GRM8: variants seen among roughly 807,000 people sequenced by gnomAD.
The protein encoded by GRM8 is metabotropic glutamate receptor 8.
GRM8 carries 47 observed loss-of-function variants against 87.2 expected under a neutral mutation model. The ratio of observed to expected loss-of-function variants is 0.54; its 90% CI spans 0.43 to 0.69. The LOEUF is 0.69. GRM8 is among the 30% of genes least tolerant of loss of function. The probability of loss-of-function intolerance (pLI) is 0.00; values close to 1 mark genes in which losing one functional copy is unlikely to be tolerated. For missense variants in GRM8, 1,019 were observed against 1,139.2 expected, an observed-to-expected ratio of 0.89 and a Z score of 1.52; for synonymous variants, 396 against 404.5, an observed-to-expected ratio of 0.98 and a Z score of 0.25.
At chr7:126,780,596 G>A (rs1258537844) in intron 6 of GRM8, among the ~76,000 whole-genome samples, 1 of 152,170 alleles carries the variant, frequency 6.6e-6, no homozygotes, top group Non-Finnish European at 1.5e-5. Flanking sequence ...GGTGGGCAAG[G>A]GAAGTAGAGG....
intron 8 of GRM8, among the ~76,000 whole-genome samples, chr7:126,561,673 C>A (rs377059752): frequency 1.3e-5 from 2 of 151,418 alleles, no homozygotes; most frequent in Non-Finnish European, 2.9e-5. Flanking sequence ...ATGTGCACAA[C>A]GTGCAGGTTT....
intron 2 of GRM8, among the ~76,000 whole-genome samples, chr7:127,186,584 C>G: frequency 6.6e-6 from 1 of 152,178 alleles, no homozygotes; most frequent in East Asian, 1.9e-4. Flanking sequence ...TGCACCACCC[C>G]TCATTAGCTT....
intron 2 of GRM8, among the ~76,000 whole-genome samples, chr7:127,203,782 G>A (rs958990121): frequency 6.6e-6 from 1 of 151,574 alleles, no homozygotes; most frequent in Admixed American, 6.6e-5. Flanking sequence ...AAAAAGGGGG[G>A]TGAGGCGGTG....
chr7:126,937,233 A>G (rs1806431340), intron 3 of GRM8, among the ~76,000 whole-genome samples: 1 of 151,900 alleles, frequency 6.6e-6, no homozygotes, highest in South Asian at 2.1e-4. Context: ...GATGACCTCA[A>G]GGAAGAAGCC....
chr7:126,469,557 T>C (rs1230578155), intron 9 of GRM8, among the ~76,000 whole-genome samples: 1 of 152,106 alleles, frequency 6.6e-6, no homozygotes, highest in Non-Finnish European at 1.5e-5. Flanking sequence ...CAGGCCATTC[T>C]TGTGATAGTG....
chr7:126,994,493 G>A (rs751747090), intron 3 of GRM8, among the ~76,000 whole-genome samples: 3 of 152,156 alleles, frequency 2.0e-5, no homozygotes, highest in Non-Finnish European at 4.4e-5. Flanking sequence ...CCTGCCCTAG[G>A]CCAAAGGGGA....
intron 4 of GRM8, 78 bp from the exon 5 acceptor site, chr7:126,904,204 A>C: frequency 8.1e-7 from 1 of 1,233,764 alleles, no homozygotes; most frequent in Non-Finnish European, 1.2e-6. Flanking sequence ...GACCAGATTT[A>C]GGAAGTTGTA....
chr7:126,902,420 A>G, intron 6 of GRM8, 122 bp downstream of exon 6: 1 of 831,582 alleles, frequency 1.2e-6, no homozygotes, highest in Non-Finnish European at 1.8e-6. Context: ...ACACTATAAC[A>G]AAAAGACACA....
chr7:127,021,164 A>G (rs1036320999), intron 3 of GRM8, among the ~76,000 whole-genome samples: 2 of 151,992 alleles, frequency 1.3e-5, no homozygotes, highest in African/African-American at 4.8e-5. Context: ...CTTAAAGAAG[A>G]AAGAGGAAGA....
intron 3 of GRM8, among the ~76,000 whole-genome samples, chr7:126,911,086 C>A (rs947511471): frequency 4.6e-5 from 7 of 152,128 alleles, no homozygotes; most frequent in African/African-American, 1.7e-4. Flanking sequence ...AGAATCATCA[C>A]CAACACTGAG....
chr7:126,479,960 T>C (rs1806473342), intron 9 of GRM8, among the ~76,000 whole-genome samples: 1 of 152,026 alleles, frequency 6.6e-6, no homozygotes, highest in Non-Finnish European at 1.5e-5. Context: ...GGGAAAAAAA[T>C]CAACCAGAAT....
chr7:126,461,531 T>A (rs978165179), intron 9 of GRM8, among the ~76,000 whole-genome samples: 2 of 151,650 alleles, frequency 1.3e-5, no homozygotes, highest in Non-Finnish European at 3.0e-5. Flanking sequence ...GGTTGGACCA[T>A]CCTTTATTCA....
At chr7:126,555,413 C>A (rs1489829318) in intron 8 of GRM8, among the ~76,000 whole-genome samples, 1 of 152,204 alleles carries the variant, frequency 6.6e-6, no homozygotes, top group African/African-American at 2.4e-5. Context: ...GCGTCACTAC[C>A]AGACAATGCT....
chr7:127,163,183 G>A (rs1793225753), intron 2 of GRM8, among the ~76,000 whole-genome samples: 1 of 152,196 alleles, frequency 6.6e-6, no homozygotes, highest in Non-Finnish European at 1.5e-5. Flanking sequence ...TCTGCAGGCT[G>A]TACAGGGAGC....
chr7:126,806,720 C>G (rs1792785724), intron 6 of GRM8, among the ~76,000 whole-genome samples: 1 of 152,250 alleles, frequency 6.6e-6, no homozygotes, highest in Non-Finnish European at 1.5e-5. Context: ...CTTTGCGGCA[C>G]CTAGCCAGCC....
chr7:126,548,811 C>A lies in GRM8; in HGVS notation c.1495-14924G>T, dbSNP rs557729804. Among the ~76,000 whole-genome samples, 45 of 152,272 alleles carry A rather than the reference C, an allele frequency of 3.0e-4. No individual in the cohort carries two copies. The South Asian group carries it at 9.3e-3, about 32-fold the overall frequency. On this transcript the variant is annotated intron_variant, in intron 8 of 10. Transcript: ENST00000339582. ...TTTGACTGTAGTTGACTTTGGGCAT[C>A]TGAAACTAGGGGCAGAAGTACTAGG...
chr7:126,494,383 CA>C (rs1808434988), intron 9 of GRM8, among the ~76,000 whole-genome samples: 1 of 152,026 alleles, frequency 6.6e-6, no homozygotes, highest in African/African-American at 2.4e-5. Flanking sequence ...CGCAGGTTGT[CA>C]GTCATACACT....
chr7:127,148,096 G>A (rs1036591498), intron 2 of GRM8, among the ~76,000 whole-genome samples: 3 of 152,026 alleles, frequency 2.0e-5, no homozygotes, highest in Non-Finnish European at 4.4e-5. Context: ...TTGTAGACAT[G>A]ATAAAGTTTG....
chr7:126,737,606 C>T (rs1477786413), intron 7 of GRM8, among the ~76,000 whole-genome samples: 1 of 152,026 alleles, frequency 6.6e-6, no homozygotes, highest in Non-Finnish European at 1.5e-5. Context: ...AAATTTAATA[C>T]TAGACTGAAA....
Sources: allele counts gnomAD v4.1 joint callset (sites outside exome capture counted in the v4.1 genomes callset), GRCh38; gene constraint gnomAD v4.1.1; transcripts MANE v1.5; gene names NCBI Gene and HGNC (gene_info 2026-07-23, HGNC 2026-07-21).